SLC2A13: variants seen among roughly 807,000 people sequenced by gnomAD.
SLC2A13 encodes the protein solute carrier family 2 member 13.
In SLC2A13, 32 loss-of-function variants were observed where a neutral mutation model predicts 64.4. That is an observed-to-expected ratio of 0.50 (90% CI 0.37 to 0.67). The LOEUF (loss-of-function observed/expected upper bound fraction) is 0.67. SLC2A13 is among the 30% of genes least tolerant of loss of function. The pLI, the probability that SLC2A13 is intolerant of heterozygous loss-of-function variation, is 0.00. For synonymous variants in SLC2A13, 338 were observed against 327.1 expected (o/e 1.03, Z -0.36); for missense variants, 743 against 829.2 (o/e 0.90, Z 1.28).
intron 4 of SLC2A13, among the ~76,000 whole-genome samples, chr12:39,914,547 G>A (rs186413405): frequency 3.3e-5 from 5 of 152,080 alleles, no homozygotes; most frequent in Admixed American, 3.3e-4. Flanking sequence ...GTTAAAGGGT[G>A]CAGAAGAATA....
chr12:39,955,602 T>C (rs903948643), intron 3 of SLC2A13, among the ~76,000 whole-genome samples: 1 of 152,170 alleles, frequency 6.6e-6, no homozygotes, highest in African/African-American at 2.4e-5. Context: ...ATTCACATCC[T>C]AATCCCTGAA....
chr12:39,766,600 A>G (rs1313487830), intron 7 of SLC2A13, among the ~76,000 whole-genome samples: 2 of 151,932 alleles, frequency 1.3e-5, no homozygotes, highest in Admixed American at 1.3e-4. Context: ...TTCACTAAAT[A>G]TTTCTCTGTA....
chr12:39,895,417 G>A (rs563214404), intron 4 of SLC2A13, among the ~76,000 whole-genome samples: 8 of 148,462 alleles, frequency 5.4e-5, no homozygotes, highest in Non-Finnish European at 8.9e-5. Flanking sequence ...CTGAACCTGG[G>A]AGGTGGAGCT....
chr12:40,022,454 A>G (rs1002479594), intron 3 of SLC2A13, among the ~76,000 whole-genome samples: 4 of 152,250 alleles, frequency 2.6e-5, no homozygotes, highest in African/African-American at 7.2e-5. Flanking sequence ...ACCAAAGGGT[A>G]GGGCCAATAT....
chr12:40,085,528 G>A (rs969299066), intron 1 of SLC2A13, among the ~76,000 whole-genome samples: 1 of 152,190 alleles, frequency 6.6e-6, no homozygotes, highest in African/African-American at 2.4e-5. Flanking sequence ...TTGCTTGTTA[G>A]TGGGGAGAAA....
intron 4 of SLC2A13, among the ~76,000 whole-genome samples, chr12:39,896,732 T>C (rs531149979): frequency 6.6e-6 from 1 of 152,128 alleles, no homozygotes; most frequent in East Asian, 1.9e-4. Context: ...TATACCCTAA[T>C]AAAACATCTT....
intron 4 of SLC2A13, among the ~76,000 whole-genome samples, chr12:39,881,345 G>A (rs1463935019): frequency 1.3e-5 from 2 of 151,858 alleles, no homozygotes; most frequent in African/African-American, 4.8e-5. Flanking sequence ...AAAACAATCT[G>A]GAAACTCAAA....
chr12:39,809,797 G>A (rs980043530), intron 7 of SLC2A13, among the ~76,000 whole-genome samples: 2 of 152,064 alleles, frequency 1.3e-5, no homozygotes, highest in African/African-American at 4.8e-5. Context: ...TGAGAATGAT[G>A]GTTTCCAGCT....
chr12:40,015,464 G>C (rs1221548306), intron 3 of SLC2A13, among the ~76,000 whole-genome samples: 1 of 152,196 alleles, frequency 6.6e-6, no homozygotes, highest in East Asian at 1.9e-4. Context: ...TTGGCAGGTA[G>C]AGCTTCTCAG....
intron 1 of SLC2A13, among the ~76,000 whole-genome samples, chr12:40,091,287 A>G (rs1938759344): frequency 6.6e-6 from 1 of 152,160 alleles, no homozygotes; most frequent in Non-Finnish European, 1.5e-5. Context: ...CTTGAATTCC[A>G]CTTTATGCAC....
chr12:39,804,502 C>A (rs2135791746), intron 7 of SLC2A13, among the ~76,000 whole-genome samples: 1 of 152,256 alleles, frequency 6.6e-6, no homozygotes, highest in South Asian at 2.1e-4. Flanking sequence ...TTACTGTACT[C>A]ATGCTTATTA....
chr12:39,860,048 G>C (rs1036560497), intron 6 of SLC2A13, among the ~76,000 whole-genome samples: 2 of 152,184 alleles, frequency 1.3e-5, no homozygotes, highest in Non-Finnish European at 2.9e-5. Context: ...GAAAGGAATA[G>C]AAAAAGAAGC....
intron 1 of SLC2A13, among the ~76,000 whole-genome samples, chr12:40,085,770 G>A (rs781106476): frequency 6.6e-6 from 1 of 152,166 alleles, no homozygotes; most frequent in Non-Finnish European, 1.5e-5. Context: ...GAGAAAGCAA[G>A]CTCAAGCATT....
At chr12:39,986,913 A>G (rs1012144697) in intron 3 of SLC2A13, among the ~76,000 whole-genome samples, 1 of 152,214 alleles carries the variant, frequency 6.6e-6, no homozygotes, top group African/African-American at 2.4e-5. Context: ...TACTGAGTTG[A>G]GCCATCAAAA....
chr12:39,884,024 T>C (rs953094133), intron 4 of SLC2A13, among the ~76,000 whole-genome samples: 2 of 152,210 alleles, frequency 1.3e-5, no homozygotes, highest in African/African-American at 4.8e-5. Flanking sequence ...AATAAGCATG[T>C]ATTATTTAAA....
chr12:39,886,690 T>C (rs1944473551), intron 4 of SLC2A13, among the ~76,000 whole-genome samples: 2 of 152,324 alleles, frequency 1.3e-5, no homozygotes, highest in South Asian at 4.1e-4. Context: ...GAAATGCCCT[T>C]TTCATTTCCT....
At chr12:39,848,354 G>A (rs1474773204) in intron 6 of SLC2A13, among the ~76,000 whole-genome samples, 1 of 152,134 alleles carries the variant, frequency 6.6e-6, no homozygotes, top group Non-Finnish European at 1.5e-5. Context: ...CCATTAAAAA[G>A]TGGACAAAGG....
chr12:39,775,011 T>C (rs372990655), intron 7 of SLC2A13, among the ~76,000 whole-genome samples: 230 of 152,320 alleles, frequency 1.5e-3, no homozygotes, highest in African/African-American at 5.4e-3. Context: ...AATTTGAACA[T>C]TAGAATATTC....
intron 3 of SLC2A13, among the ~76,000 whole-genome samples, chr12:40,009,630 A>G (rs12368785): frequency 0.028 from 4,212 of 152,274 alleles, 96 homozygotes; most frequent in Non-Finnish European, 0.042. Flanking sequence ...ACAAGGTCTC[A>G]CTATGTTGCC....
Sources: allele counts gnomAD v4.1 joint callset (sites outside exome capture counted in the v4.1 genomes callset), GRCh38; gene constraint gnomAD v4.1.1; transcripts MANE v1.5; gene names NCBI Gene and HGNC (gene_info 2026-07-23, HGNC 2026-07-21).